AFG2A: variants seen among roughly 807,000 people sequenced by gnomAD.
AFG2A encodes the protein AAA ATPase AFG2A, also known as ATPase family gene 2 protein homolog A.
the AFG2A span, among the ~76,000 whole-genome samples, chr4:123,043,401 C>T: frequency 1.3e-5 from 2 of 151,340 alleles, no homozygotes; most frequent in African/African-American, 4.9e-5. Flanking sequence ...TCAAATTTGC[C>T]TATGTTTTTG....
the AFG2A span, among the ~76,000 whole-genome samples, chr4:123,200,069 AT>A: frequency 7.7e-4 from 117 of 152,204 alleles, 1 homozygote; most frequent in African/African-American, 2.6e-3. Context: ...GCCCTTACAT[AT>A]TTTTTGTTTT....
the AFG2A span, among the ~76,000 whole-genome samples, chr4:123,118,353 T>TTATA: frequency 5.9e-3 from 770 of 129,776 alleles, 5 homozygotes; most frequent in East Asian, 0.02. Context: ...ATTATATATA[T>TTATA]TATATATATA....
At chr4:123,152,147 G>A in the AFG2A span, among the ~76,000 whole-genome samples, 1 of 152,052 alleles carries the variant, frequency 6.6e-6, no homozygotes, top group Non-Finnish European at 1.5e-5. Context: ...GTGGGAAAGG[G>A]GAGGGATAAC....
At chr4:122,956,350 A>G in the AFG2A span, among the ~76,000 whole-genome samples, 4 of 152,232 alleles carry the variant, frequency 2.6e-5, no homozygotes, top group Non-Finnish European at 4.4e-5. Context: ...TATCAGACAG[A>G]CTCAAGAAAG....
chr4:122,992,681 A>G, the AFG2A span, among the ~76,000 whole-genome samples: 1 of 152,352 alleles, frequency 6.6e-6, no homozygotes, highest in Non-Finnish European at 1.5e-5. Context: ...TAAGTTTGCA[A>G]GAAAGGTGCT....
At chr4:123,175,452 C>G in the AFG2A span, among the ~76,000 whole-genome samples, 195 of 152,264 alleles carry the variant, frequency 1.3e-3, no homozygotes, top group African/African-American at 4.1e-3. Flanking sequence ...CACTTCCCAT[C>G]TATTTGGGAA....
chr4:123,305,184 G>A, the AFG2A span, among the ~76,000 whole-genome samples: 2 of 152,148 alleles, frequency 1.3e-5, no homozygotes, highest in Non-Finnish European at 2.9e-5. Flanking sequence ...GCAGAAATTA[G>A]GTAGTTGTTT....
chr4:123,087,074 A>T, the AFG2A span, among the ~76,000 whole-genome samples: 1 of 152,142 alleles, frequency 6.6e-6, no homozygotes, highest in African/African-American at 2.4e-5. Context: ...TTTGATGTGT[A>T]CTCAATTTCT....
chr4:123,187,586 T>C, the AFG2A span, among the ~76,000 whole-genome samples: 4 of 152,302 alleles, frequency 2.6e-5, no homozygotes, highest in South Asian at 8.3e-4. Flanking sequence ...AAAATTATAT[T>C]TATTACTGAT....
the AFG2A span, among the ~76,000 whole-genome samples, chr4:123,304,056 AG>A: frequency 6.6e-6 from 1 of 152,068 alleles, no homozygotes; most frequent in Non-Finnish European, 1.5e-5. Flanking sequence ...AATGGTTTTC[AG>A]TGAAGTGGCA....
At chr4:123,054,865 A>C in the AFG2A span, among the ~76,000 whole-genome samples, 1 of 152,010 alleles carries the variant, frequency 6.6e-6, no homozygotes, top group Non-Finnish European at 1.5e-5. Flanking sequence ...CCTTTGCCTT[A>C]AACTTGTTCC....
chr4:123,092,144 T>G, the AFG2A span, among the ~76,000 whole-genome samples: 1 of 152,134 alleles, frequency 6.6e-6, no homozygotes, highest in Non-Finnish European at 1.5e-5. Flanking sequence ...GAATCTGGGT[T>G]GGTGTTAAGG....
chr4:123,004,403 C>G, the AFG2A span, among the ~76,000 whole-genome samples: 1 of 152,236 alleles, frequency 6.6e-6, no homozygotes, highest in Non-Finnish European at 1.5e-5. Flanking sequence ...TTCTGCGTTG[C>G]TCACGCTGGG....
chr4:123,138,174 A>C, the AFG2A span, among the ~76,000 whole-genome samples: 1 of 152,122 alleles, frequency 6.6e-6, no homozygotes, highest in Non-Finnish European at 1.5e-5. Context: ...CTTTCTTGGG[A>C]TATTTCCTAA....
the AFG2A span, among the ~76,000 whole-genome samples, chr4:122,973,412 ATACTTAGGTTTAATGTACTTCCT>A: frequency 1.3e-5 from 2 of 150,692 alleles, no homozygotes; most frequent in African/African-American, 4.9e-5. Flanking sequence ...ATATCTTAAA[ATACTTAGGTTTAATGTACTTCCT>A]TATTTGCCCC....
chr4:123,150,179 G>T, the AFG2A span, among the ~76,000 whole-genome samples: 1 of 152,072 alleles, frequency 6.6e-6, no homozygotes, highest in Non-Finnish European at 1.5e-5. Flanking sequence ...TACTGAATAG[G>T]CAAAAGCTGG....
the AFG2A span, among the ~76,000 whole-genome samples, chr4:123,272,467 G>A: frequency 2.6e-5 from 4 of 152,132 alleles, no homozygotes; most frequent in Non-Finnish European, 5.9e-5. Flanking sequence ...ATTGGTTTGG[G>A]ATTGCTTTGC....
At chr4:123,044,100 G>A in the AFG2A span, among the ~76,000 whole-genome samples, 14 of 140,918 alleles carry the variant, frequency 9.9e-5, no homozygotes, top group Non-Finnish European at 2.1e-4. Flanking sequence ...GAAGCAGTAC[G>A]TCAAAATCTT....
chr4:123,105,615 C>G, the AFG2A span, among the ~76,000 whole-genome samples: 1 of 151,964 alleles, frequency 6.6e-6, no homozygotes, highest in Non-Finnish European at 1.5e-5. Context: ...GGTGAAAATA[C>G]GTCAACTTTA....
Sources: allele counts gnomAD v4.1 joint callset (sites outside exome capture counted in the v4.1 genomes callset), GRCh38; gene constraint gnomAD v4.1.1; transcripts MANE v1.5; gene names NCBI Gene and HGNC (gene_info 2026-07-23, HGNC 2026-07-21).